Variants in NEGR1 observed in about 807,000 individuals in gnomAD.
NEGR1 encodes the protein IgLON family member 4.
A neutral mutation model predicts 40.9 loss-of-function variants in NEGR1; 10 were observed. That is an observed-to-expected ratio of 0.24 (90% CI 0.15 to 0.42). The LOEUF is 0.42. Ranked by LOEUF, NEGR1 falls within the 10% of genes least tolerant of loss-of-function variation. The pLI is 1.00. For synonymous variants in NEGR1, 185 were observed against 166.8 expected (o/e 1.11, Z -0.84); for missense variants, 352 against 438.9 (o/e 0.80, Z 1.77).
intron 6 of NEGR1, among the ~76,000 whole-genome samples, chr1:71,445,810 A>G (rs927789874): frequency 6.6e-6 from 1 of 152,186 alleles, no homozygotes; most frequent in Non-Finnish European, 1.5e-5. Flanking sequence ...AATCTCAGTT[A>G]TGTGACCTAC....
intron 6 of NEGR1, among the ~76,000 whole-genome samples, chr1:71,581,885 G>C (rs1649149822): frequency 6.6e-6 from 1 of 151,798 alleles, no homozygotes; most frequent in East Asian, 1.9e-4. Context: ...TGTATTTTTT[G>C]TAGAGATGGG....
chr1:72,249,066 G>A (rs1393651709), intron 1 of NEGR1, among the ~76,000 whole-genome samples: 1 of 152,200 alleles, frequency 6.6e-6, no homozygotes, highest in African/African-American at 2.4e-5. Flanking sequence ...CATCACCTAT[G>A]TGAGGGTATC....
intron 1 of NEGR1, among the ~76,000 whole-genome samples, chr1:71,986,134 T>C (rs1646391902): frequency 6.6e-6 from 1 of 152,232 alleles, no homozygotes; most frequent in Non-Finnish European, 1.5e-5. Flanking sequence ...TTGGTTTCAG[T>C]GTGTGAAAAT....
intron 1 of NEGR1, among the ~76,000 whole-genome samples, chr1:72,018,403 A>G (rs1244240231): frequency 1.3e-5 from 2 of 152,168 alleles, no homozygotes; most frequent in African/African-American, 4.8e-5. Flanking sequence ...AGTGCCTAGG[A>G]TTCCCCTATC....
intron 6 of NEGR1, among the ~76,000 whole-genome samples, chr1:71,520,665 A>G (rs1017667067): frequency 4.6e-5 from 7 of 152,062 alleles, no homozygotes; most frequent in African/African-American, 1.7e-4. Context: ...TTGATGTCCC[A>G]AATAAGTAGT....
At chr1:71,650,328 T>C (rs1040146097) in intron 4 of NEGR1, among the ~76,000 whole-genome samples, 2 of 152,148 alleles carry the variant, frequency 1.3e-5, no homozygotes, top group African/African-American at 2.4e-5. Context: ...CTATTTATGG[T>C]GTAATGACTC....
chr1:71,651,174 T>A (rs1243178154), intron 4 of NEGR1, among the ~76,000 whole-genome samples: 1 of 152,092 alleles, frequency 6.6e-6, no homozygotes. Context: ...TAAAATATAT[T>A]TACATGATCA....
chr1:72,173,366 A>G (rs185123178), intron 1 of NEGR1, among the ~76,000 whole-genome samples: 113 of 145,194 alleles, frequency 7.8e-4, no homozygotes, highest in African/African-American at 2.7e-3. Flanking sequence ...GAAAATTAAT[A>G]TATTCATATT....
intron 2 of NEGR1, among the ~76,000 whole-genome samples, chr1:71,830,269 C>T (rs932982935): frequency 3.3e-5 from 5 of 151,852 alleles, no homozygotes; most frequent in Non-Finnish European, 7.4e-5. Flanking sequence ...TGAATATCTA[C>T]TTGGTGTTCA....
chr1:71,502,938 G>A (rs1363635267), intron 6 of NEGR1, among the ~76,000 whole-genome samples: 1 of 152,176 alleles, frequency 6.6e-6, no homozygotes, highest in Non-Finnish European at 1.5e-5. Flanking sequence ...GAAACCTCTA[G>A]TAGGGAGGGT....
At chr1:71,645,880 T>C (rs1308286628) in intron 4 of NEGR1, among the ~76,000 whole-genome samples, 1 of 151,792 alleles carries the variant, frequency 6.6e-6, no homozygotes, top group Admixed American at 6.6e-5. Flanking sequence ...TAATCACTGC[T>C]TGGCTGCCTA....
At chr1:71,878,820 C>T (rs886986594) in intron 2 of NEGR1, among the ~76,000 whole-genome samples, 1 of 152,104 alleles carries the variant, frequency 6.6e-6, no homozygotes, top group African/African-American at 2.4e-5. Context: ...TAATATCTAT[C>T]GGTAAATTTC....
In NEGR1 at chr1:72,037,007, C is replaced by T. The variant is rs114191998; in HGVS notation, c.177-101696G>A. 3.7e-3 allele frequency among the ~76,000 whole-genome samples: 568 copies of T among 152,212 alleles called. 3 individuals carry two copies. Among genetic ancestry groups the T allele is most frequent in the African/African-American group, 0.013 (548 of 41,554 alleles). ...TAGAAAATCATAAGTATCTTAGACA[C>T]TTGTCAGATCTATTTGATGGAACAA... On this transcript the variant is annotated intron_variant, in intron 1 of 6. Transcript: ENST00000357731.
intron 2 of NEGR1, among the ~76,000 whole-genome samples, chr1:71,828,894 G>C (rs1399962216): frequency 6.6e-6 from 1 of 151,956 alleles, no homozygotes; most frequent in Non-Finnish European, 1.5e-5. Flanking sequence ...GCTGAGCCAT[G>C]AGACAAGGCT....
At chr1:71,492,307 G>A (rs947244019) in intron 6 of NEGR1, among the ~76,000 whole-genome samples, 2 of 151,880 alleles carry the variant, frequency 1.3e-5, no homozygotes, top group African/African-American at 2.4e-5. Flanking sequence ...CCTTGGGCAC[G>A]GGATAAATTT....
chr1:72,182,517 A>G (rs1332565158), intron 1 of NEGR1, among the ~76,000 whole-genome samples: 1 of 152,018 alleles, frequency 6.6e-6, no homozygotes, highest in African/African-American at 2.4e-5. Context: ...ACATACAAAT[A>G]AAATGTTCAG....
chr1:71,969,621 G>A (rs1557461129), intron 1 of NEGR1, among the ~76,000 whole-genome samples: 1 of 152,192 alleles, frequency 6.6e-6, no homozygotes, highest in African/African-American at 2.4e-5. Flanking sequence ...GGGGGCAGGT[G>A]TGGAAAGAAA....
intron 3 of NEGR1, among the ~76,000 whole-genome samples, chr1:71,769,046 T>A (rs574441398): frequency 6.7e-6 from 1 of 149,732 alleles, no homozygotes; most frequent in African/African-American, 2.4e-5. Flanking sequence ...CCTACAGAAC[T>A]GTGATTAACA....
Position 71,580,415 on chromosome 1 carries a change from T to A in NEGR1, c.940+12402A>T, listed in dbSNP as rs201259312. On this transcript the variant is annotated intron_variant, in intron 6 of 6. Transcript: ENST00000357731. ...TGGCACATGTATACATATGTAACTA[T>A]CCTGCACATTGTGCACATGTACCCT... 1.4e-4 allele frequency among the ~76,000 whole-genome samples: 21 copies of A among 151,038 alleles called. No individual in the cohort carries two copies. The East Asian group carries it at 3.7e-3, about 27-fold the overall frequency.
Sources: gnomAD v4.1 joint callset for allele counts (sites outside exome capture counted in the v4.1 genomes callset) on GRCh38, gnomAD v4.1.1 for gene constraint, MANE v1.5 for transcripts, NCBI Gene and HGNC (gene_info 2026-07-23, HGNC 2026-07-21) for gene names.